The following PCDHA4 variants were observed in gnomAD, a reference collection of about 807,000 sequenced individuals.
PCDHA4 encodes protocadherin alpha 4.
Under a neutral mutation model 61.4 loss-of-function variants are expected in PCDHA4, and 49 were observed. The observed-to-expected ratio is 0.80, with a 90% CI of 0.63 to 1.01. The LOEUF is 1.01. Ranked by LOEUF, PCDHA4 falls within the 50% of genes least tolerant of loss-of-function variation. The pLI, the probability that PCDHA4 is intolerant of heterozygous loss-of-function variation, is 0.00. For synonymous variants in PCDHA4, 590 were observed against 550.3 expected, an observed-to-expected ratio of 1.07 and a Z score of -1.01; for missense variants, 1,254 against 1,235.8, an observed-to-expected ratio of 1.01 and a Z score of -0.22.
intron 1 of PCDHA4, among the ~76,000 whole-genome samples, chr5:140,897,588 T>C (rs1554187466): frequency 6.6e-6 from 1 of 152,172 alleles, no homozygotes; most frequent in African/African-American, 2.4e-5. Flanking sequence ...CAGTCTGTCA[T>C]TGTTGGACAT....
At chr5:140,926,772 G>A in intron 1 of PCDHA4, 1 of 1,380,738 alleles carries the variant, frequency 7.2e-7, no homozygotes, top group Non-Finnish European at 9.4e-7. Context: ...CCAGCCCGCA[G>A]CAGTGACGGC....
intron 3 of PCDHA4, among the ~76,000 whole-genome samples, chr5:140,991,807 C>T (rs782693963): frequency 4.6e-5 from 7 of 152,278 alleles, no homozygotes; most frequent in Admixed American, 6.5e-5. Context: ...AGGCCACTTC[C>T]GCATTTTTAG....
chr5:141,006,843 T>A (rs2098291274), intron 3 of PCDHA4, among the ~76,000 whole-genome samples: 1 of 152,154 alleles, frequency 6.6e-6, no homozygotes, highest in Non-Finnish European at 1.5e-5. Context: ...TTACTGAAAC[T>A]GGAAAGATTT....
intron 1 of PCDHA4, chr5:140,852,582 A>ATTTT (rs527656692): frequency 1.2e-5 from 8 of 693,586 alleles, no homozygotes; most frequent in Non-Finnish European, 1.4e-5. Flanking sequence ...AGGCTTTTTT[A>ATTTT]TTTTTTTTTT....
At chr5:140,884,044 G>A (rs374333847) in intron 1 of PCDHA4, 16 of 1,613,358 alleles carry the variant, frequency 9.9e-6, no homozygotes, top group Non-Finnish European at 1.4e-5. Context: ...ACGTGGTGGC[G>A]AAGGTGCGCG....
At chr5:140,861,412 C>T (rs371672031) in intron 1 of PCDHA4, 62 of 474,038 alleles carry the variant, frequency 1.3e-4, no homozygotes, top group African/African-American at 1.1e-3. Flanking sequence ...GAGCTGATAC[C>T]GCGCCTGTTT....
Position 140,921,480 on chromosome 5 carries a change from A to G in PCDHA4, c.2386-57469A>G, listed in dbSNP as rs201609452. On this transcript the variant is annotated intron_variant, in intron 1 of 3. Coordinates refer to ENST00000530339, the MANE Select transcript of PCDHA4 (RefSeq NM_018907.4). ...CCTGCAACCACTACCAAACCACTCT[A>G]CCTGAGATTAGTTTATTAGATAGTG... 4.8e-4 allele frequency among the ~76,000 whole-genome samples: 73 copies of G among 152,306 alleles called. No homozygotes were observed. In the East Asian group the frequency reaches 0.011, roughly 22 times the overall value.
chr5:140,876,899 C>T (rs781884794), intron 1 of PCDHA4: 2 of 1,614,092 alleles, frequency 1.2e-6, no homozygotes, highest in South Asian at 2.2e-5. Context: ...CACATCTTCA[C>T]GGTGTCGGCA....
chr5:140,968,567 G>A (rs1586307422), intron 1 of PCDHA4: 1 of 1,614,156 alleles, frequency 6.2e-7, no homozygotes, highest in East Asian at 2.2e-5. Flanking sequence ...TGCCCCTGCT[G>A]GCTACCTGGT....
intron 1 of PCDHA4, among the ~76,000 whole-genome samples, chr5:140,937,290 G>C (rs890693007): frequency 3.3e-5 from 5 of 152,076 alleles, no homozygotes; most frequent in Non-Finnish European, 7.4e-5. Flanking sequence ...ACCCGCTTCG[G>C]CCTCCCAAAG....
intron 1 of PCDHA4, chr5:140,870,622 G>A (rs377101052): frequency 6.2e-7 from 1 of 1,613,120 alleles, no homozygotes; most frequent in Admixed American, 1.7e-5. Flanking sequence ...GTCGAGCTAC[G>A]TGTCGGTGCA....
intron 1 of PCDHA4, among the ~76,000 whole-genome samples, chr5:140,925,742 AAG>A (rs1403200881): frequency 2.0e-5 from 3 of 151,862 alleles, no homozygotes; most frequent in South Asian, 4.2e-4. Context: ...TATTTACAGA[AAG>A]AAAATTTACA....
intron 1 of PCDHA4, among the ~76,000 whole-genome samples, chr5:140,922,855 A>C (rs1216713034): frequency 6.6e-6 from 1 of 152,246 alleles, no homozygotes; most frequent in Non-Finnish European, 1.5e-5. Context: ...GACCAAATAC[A>C]TAGACAAGGG....
chr5:140,970,641 T>C (rs1430565577), intron 1 of PCDHA4, among the ~76,000 whole-genome samples: 1 of 152,170 alleles, frequency 6.6e-6, no homozygotes, highest in African/African-American at 2.4e-5. Context: ...GTACCATAAA[T>C]AGTGATGAAT....
chr5:140,960,308 C>A (rs1387326739), intron 1 of PCDHA4, among the ~76,000 whole-genome samples: 1 of 152,122 alleles, frequency 6.6e-6, no homozygotes, highest in African/African-American at 2.4e-5. Flanking sequence ...CAATACCAAC[C>A]TCATTAGGGT....
chr5:140,857,657 C>A (rs1207727837), intron 1 of PCDHA4: 1 of 1,596,626 alleles, frequency 6.3e-7, no homozygotes. Flanking sequence ...GGTGAGCGCG[C>A]GCGATGGGGG....
chr5:140,832,676 A>G (rs1772104728), intron 1 of PCDHA4, among the ~76,000 whole-genome samples: 1 of 152,242 alleles, frequency 6.6e-6, no homozygotes. Context: ...GCTGAGAATC[A>G]TCGAATTAAC....
intron 1 of PCDHA4, among the ~76,000 whole-genome samples, chr5:140,896,083 T>G (rs1202809868): frequency 6.6e-6 from 1 of 152,184 alleles, no homozygotes; most frequent in African/African-American, 2.4e-5. Context: ...CATGCTGGGA[T>G]TACAGGCGTG....
chr5:140,886,917 T>C (rs893093876), intron 1 of PCDHA4, among the ~76,000 whole-genome samples: 12 of 152,044 alleles, frequency 7.9e-5, no homozygotes, highest in Non-Finnish European at 1.8e-4. Flanking sequence ...TTATTGAGTG[T>C]TCTCTATGTG....
Sources: gnomAD v4.1 joint callset for allele counts (sites outside exome capture counted in the v4.1 genomes callset) on GRCh38, gnomAD v4.1.1 for gene constraint, MANE v1.5 for transcripts, NCBI Gene and HGNC (gene_info 2026-07-23, HGNC 2026-07-21) for gene names.